The following MYO16 variants were observed in gnomAD, a reference collection of about 807,000 sequenced individuals.
The protein encoded by MYO16 is unconventional myosin-XVI.
A neutral mutation model predicts 205.3 loss-of-function variants in MYO16; 94 were observed. That is an observed-to-expected ratio of 0.46 (90% CI 0.39 to 0.54). MYO16 has a LOEUF of 0.54. Ranked by LOEUF, MYO16 falls within the 20% of genes least tolerant of loss-of-function variation. The pLI is 0.00. For synonymous variants in MYO16, 988 were observed against 954.0 expected (o/e 1.04, Z -0.66); for missense variants, 2,315 against 2,387.5 (o/e 0.97, Z 0.63).
At chr13:108,874,455 C>G (rs1283153598) in intron 12 of MYO16, among the ~76,000 whole-genome samples, 1 of 152,090 alleles carries the variant, frequency 6.6e-6, no homozygotes, top group East Asian at 1.9e-4. Context: ...GCAGAACTGC[C>G]TCAAATGGCT....
chr13:109,144,587 A>G (rs1175475113), intron 32 of MYO16, among the ~76,000 whole-genome samples: 1 of 152,152 alleles, frequency 6.6e-6, no homozygotes, highest in Non-Finnish European at 1.5e-5. Context: ...TAAATCTTTT[A>G]CTTTACCTTC....
intron 16 of MYO16, among the ~76,000 whole-genome samples, chr13:108,918,993 T>TCC (rs397780290): frequency 6.6e-6 from 1 of 151,030 alleles, no homozygotes; most frequent in Non-Finnish European, 1.5e-5. Flanking sequence ...ACTTATACTC[T>TCC]GTTTTGACAT....
chr13:108,974,951 A>C (rs1300651245), intron 20 of MYO16, among the ~76,000 whole-genome samples: 1 of 152,232 alleles, frequency 6.6e-6, no homozygotes, highest in Non-Finnish European at 1.5e-5. Context: ...TACAGTTTAC[A>C]TCTATACTAT....
chr13:109,112,125 T>TATA, intron 28 of MYO16, among the ~76,000 whole-genome samples: 1 of 152,236 alleles, frequency 6.6e-6, no homozygotes, highest in Non-Finnish European at 1.5e-5. Context: ...GGTTTTCTGC[T>TATA]TCAGGAGAGT....
At chr13:108,504,842 A>G in the MYO16 span, among the ~76,000 whole-genome samples, 3 of 152,098 alleles carry the variant, frequency 2.0e-5, no homozygotes, top group Non-Finnish European at 2.9e-5. Context: ...GCCAATAACC[A>G]CATTCTATTT....
intron 27 of MYO16, among the ~76,000 whole-genome samples, chr13:109,068,725 G>A (rs117015456): frequency 0.055 from 8,396 of 151,994 alleles, 713 homozygotes; most frequent in East Asian, 0.42. Flanking sequence ...CGGAATAGCC[G>A]GGATTACAGG....
upstream of MYO16, among the ~76,000 whole-genome samples, chr13:108,627,152 A>G (rs938239511): frequency 6.6e-6 from 1 of 151,822 alleles, no homozygotes; most frequent in African/African-American, 2.4e-5. Flanking sequence ...TTTCCTCAGT[A>G]TTAATGCCTG....
intron 2 of MYO16, 37 bp from the exon 3 acceptor site, chr13:108,712,624 C>T (rs564576491): frequency 6.3e-7 from 1 of 1,581,938 alleles, no homozygotes; most frequent in East Asian, 2.2e-5. Flanking sequence ...GGAAGAAGGA[C>T]TCTCTGTAAC....
chr13:109,029,198 TC>T (rs1310282655), intron 23 of MYO16, among the ~76,000 whole-genome samples: 1 of 135,692 alleles, frequency 7.4e-6, no homozygotes, highest in Non-Finnish European at 1.5e-5. Context: ...CACTGCAACC[TC>T]CGCCTCCCAG....
chr13:108,600,263 C>T lies in MYO16; in HGVS notation c.-39+4024C>T, dbSNP rs373055967. Among the ~76,000 whole-genome samples, 12 of 152,258 alleles carry T rather than the reference C, an allele frequency of 7.9e-5. No individual in the cohort carries two copies. The East Asian group carries it at 2.3e-3, about 29-fold the overall frequency. On this transcript the variant is annotated intron_variant, in intron 1 of 24. Transcript: ENST00000251041. Reference sequence around the variant, plus strand: ...ACAAAACTGCTTTTGTACTTTGGCTCTGATATTTGCTGATCATTGGCATTG... The same window carrying T: ...ACAAAACTGCTTTTGTACTTTGGCTTTGATATTTGCTGATCATTGGCATTG...
chr13:108,589,187 G>A, the MYO16 span, among the ~76,000 whole-genome samples: 1 of 152,146 alleles, frequency 6.6e-6, no homozygotes, highest in Admixed American at 6.5e-5. Context: ...TTTTCTCAAG[G>A]GCCCTGGTTT....
the MYO16 span, among the ~76,000 whole-genome samples, chr13:108,588,828 G>C: frequency 6.6e-6 from 1 of 152,092 alleles, no homozygotes; most frequent in African/African-American, 2.4e-5. Flanking sequence ...AGAGACCCCT[G>C]CCTAACCACG....
At chr13:108,841,274 T>G (rs1283472001) in intron 9 of MYO16, among the ~76,000 whole-genome samples, 1 of 152,192 alleles carries the variant, frequency 6.6e-6, no homozygotes, top group Non-Finnish European at 1.5e-5. Context: ...ACAGATATGG[T>G]CAATTGATTT....
intron 3 of MYO16, among the ~76,000 whole-genome samples, chr13:108,716,957 A>C (rs1181413539): frequency 1.3e-5 from 2 of 152,198 alleles, no homozygotes; most frequent in Non-Finnish European, 2.9e-5. Flanking sequence ...AACATATGGC[A>C]GGTATCAGGT....
intron 28 of MYO16, among the ~76,000 whole-genome samples, chr13:109,116,377 C>A (rs1433151912): frequency 6.6e-6 from 1 of 152,266 alleles, no homozygotes; most frequent in African/African-American, 2.4e-5. Context: ...GACAGATCCA[C>A]CCTTCCAACT....
intron 34 of MYO16, among the ~76,000 whole-genome samples, chr13:109,206,281 T>A (rs1166041572): frequency 6.6e-6 from 1 of 152,130 alleles, no homozygotes; most frequent in African/African-American, 2.4e-5. Flanking sequence ...GAAGAGAAAG[T>A]ACAAGATGCC....
rs1290699771 is a variant in MYO16 at position 109,127,253 on chromosome 13, G to A, written c.3783-29G>A. ...AATGCATCTGGGCCTCTCTGGCGTG[G>A]TGCTGTTTGTGTTTTGTTTCCCCCT... is the stretch of plus-strand genomic sequence containing the variant. On this transcript the variant is annotated intron_variant, in intron 30 of 34. Coordinates refer to ENST00000457511, the MANE Select transcript of MYO16 (RefSeq NM_001198950.3). The surrounding 1 kb of genome is among the most constrained non-coding windows in gnomAD (Gnocchi z 4.2). 3 of 1,545,934 alleles carry A rather than the reference G, an allele frequency of 1.9e-6. No homozygotes were observed. The highest frequency in any genetic ancestry group is 2.5e-5 in the South Asian group (2 of 81,514).
intron 28 of MYO16, among the ~76,000 whole-genome samples, chr13:109,113,647 GAGAAAAGCTGTAA>G (rs1386289106): frequency 6.6e-6 from 1 of 152,210 alleles, no homozygotes; most frequent in Non-Finnish European, 1.5e-5. Flanking sequence ...TGGGGACTGG[GAGAAAAGCTGTAA>G]ACATACTTAG....
rs542119376 is a variant in MYO16 at position 109,020,319 on chromosome 13, G to A, written c.2796+408G>A. Among the ~76,000 whole-genome samples the A allele has an allele frequency of 3.3e-5, 5 of 152,236 alleles. No individual in the cohort carries two copies. In the South Asian group the frequency reaches 1.0e-3, roughly 32 times the overall value. On this transcript the variant is annotated intron_variant, in intron 23 of 34. Coordinates refer to ENST00000457511, the MANE Select transcript of MYO16 (RefSeq NM_001198950.3). ...CATGTCAACTTAAGGAAGAAAGAAA[G>A]CCACTCTCTCATATCTTTCCCAATT...
Sources: gnomAD v4.1 joint callset for allele counts (sites outside exome capture counted in the v4.1 genomes callset) on GRCh38, gnomAD v4.1.1 for gene constraint, Gnocchi (gnomAD v3.1) non-coding constraint, MANE v1.5 for transcripts, NCBI Gene and HGNC (gene_info 2026-07-23, HGNC 2026-07-21) for gene names.